Variants in MTR observed in about 807,000 individuals in gnomAD.
MTR encodes 5-methyltetrahydrofolate-homocysteine methyltransferase, also known as methionine synthase.
In MTR, 84 loss-of-function variants were observed where a neutral mutation model predicts 154.8. That is an observed-to-expected ratio of 0.54 (90% CI 0.45 to 0.65). The LOEUF (loss-of-function observed/expected upper bound fraction) is 0.65, where lower values mean the gene tolerates loss of function less well. MTR is among the 30% of genes least tolerant of loss of function. The pLI, the probability that MTR is intolerant of heterozygous loss-of-function variation, is 0.00. For missense variants in MTR, 1,275 were observed against 1,570.2 expected (o/e 0.81, Z 3.18); for synonymous variants, 554 against 553.9 (o/e 1.00, Z 0.00).
chr1:236,795,383 C>A lies in MTR; in HGVS notation c.-321C>A, dbSNP rs187186973. ...TCCTCTGCCGGTTTTCTCTTGGGTCCTTTTCCGTGCCGTCCCGCGACTCCG... is the reference window on the plus strand; with the variant it reads ...TCCTCTGCCGGTTTTCTCTTGGGTCATTTTCCGTGCCGTCCCGCGACTCCG... On this transcript the variant is annotated 5_prime_UTR_variant, in exon 1 of 33. Transcript: ENST00000366577. 1 of 1,403,430 alleles carries A rather than the reference C, an allele frequency of 7.1e-7. No homozygotes were observed. Among genetic ancestry groups the A allele is most frequent in the African/African-American group, 1.4e-5 (1 of 70,054 alleles). The allele number at this position is 1,403,430 out of a possible 1,614,324, so 86.9% of individuals were successfully genotyped here. A position where few individuals can be genotyped will look rare whatever the true frequency, so the allele number is the denominator to read the frequency against.
chr1:236,859,044 G>C (rs146165065), intron 18 of MTR, among the ~76,000 whole-genome samples: 26 of 152,256 alleles, frequency 1.7e-4, no homozygotes, highest in African/African-American at 5.3e-4. Context: ...CCTCTCTTAT[G>C]ACATGGCTGT....
intron 8 of MTR, among the ~76,000 whole-genome samples, chr1:236,822,860 A>T (rs991705592): frequency 6.6e-6 from 1 of 152,196 alleles, no homozygotes; most frequent in South Asian, 2.1e-4. Flanking sequence ...AGGGACTTCA[A>T]ATACAATATT....
At chr1:236,812,586 C>T in intron 5 of MTR, 152 bp from the exon 6 acceptor site, 1 of 720,252 alleles carries the variant, frequency 1.4e-6, no homozygotes, top group Non-Finnish European at 2.5e-6. Flanking sequence ...TGCCACCTTT[C>T]TTTATTTGGT....
intron 13 of MTR, among the ~76,000 whole-genome samples, chr1:236,833,166 C>G (rs570148878): frequency 4.6e-5 from 7 of 152,290 alleles, no homozygotes; most frequent in African/African-American, 1.7e-4. Context: ...TGCCTTTGTT[C>G]TTGTTTGCTT....
At chr1:236,839,174 T>C (rs1265746837) in intron 15 of MTR, among the ~76,000 whole-genome samples, 1 of 152,210 alleles carries the variant, frequency 6.6e-6, no homozygotes, top group African/African-American at 2.4e-5. Flanking sequence ...AAGTATTCAA[T>C]AAATGCTGTT....
At chr1:236,852,456 A>T in intron 16 of MTR, 65 bp from the exon 17 acceptor site, 1 of 1,152,244 alleles carries the variant, frequency 8.7e-7, no homozygotes, top group Non-Finnish European at 1.3e-6. Flanking sequence ...TATAAAGCTT[A>T]AGAGATGTGA....
chr1:236,863,846 G>A (rs1420543756), intron 22 of MTR, among the ~76,000 whole-genome samples: 2 of 152,158 alleles, frequency 1.3e-5, no homozygotes, highest in African/African-American at 4.8e-5. Context: ...TGGGACAGAG[G>A]TGCTAATAGC....
At position 236,891,150 on chromosome 1, in the gene MTR, G is replaced by A. The variant is rs755606958; in HGVS notation, c.3025G>A (p.Val1009Ile). 14 of 1,614,166 alleles carry A rather than the reference G, an allele frequency of 8.7e-6. No homozygotes were observed. The highest frequency in any genetic ancestry group is 1.2e-5 in the Non-Finnish European group (14 of 1,180,030). Residue 1009 changes from valine (V) to isoleucine (I), a missense_variant, in exon 29 of 33, where the codon GTC (valine) becomes ATC (isoleucine). Coordinates refer to ENST00000366577, the MANE Select transcript of MTR (RefSeq NM_000254.3). Reference sequence around the variant, plus strand: ...TCTAATAGGTGGAGAGGCCAGGAAGGTCTACGATGATGCCCACAATATGCT... The same window carrying A: ...TCTAATAGGTGGAGAGGCCAGGAAGATCTACGATGATGCCCACAATATGCT... ...DKTVGGEARK[V>I]YDDAHNMLNT...
Position 236,852,970 on chromosome 1 carries a change from T to C in MTR, c.1835T>C (p.Val612Ala), listed in dbSNP as rs769950851. 3 of 1,613,994 alleles carry C rather than the reference T, an allele frequency of 1.9e-6. No homozygotes were observed. Among genetic ancestry groups the C allele is most frequent in the East Asian group, 4.5e-5 (2 of 44,884 alleles). Residue 612 changes from valine to alanine, a missense_variant, in exon 18 of 33, where the codon GTG becomes GCG. Transcript: ENST00000366577. The part of the protein sequence containing the change: ...AIKSGMDMGI[V>A]NAGNLPVYDD... ...TAGTCTGGCATGGACATGGGGATAGTGAATGCTGGAAACCTCCCTGTGTAT... is the reference window on the plus strand; with the variant it reads ...TAGTCTGGCATGGACATGGGGATAGCGAATGCTGGAAACCTCCCTGTGTAT...
At chr1:236,813,979 GA>G in intron 6 of MTR, among the ~76,000 whole-genome samples, 1 of 152,070 alleles carries the variant, frequency 6.6e-6, no homozygotes, top group East Asian at 1.9e-4. Flanking sequence ...TTGAAGAGAA[GA>G]AAAAAATGGA....
chr1:236,797,958 C>CAA (rs754624577), intron 1 of MTR, among the ~76,000 whole-genome samples: 27 of 139,648 alleles, frequency 1.9e-4, no homozygotes, highest in South Asian at 1.1e-3. Flanking sequence ...ACTTAGTCTC[C>CAA]AAAAAAAAAC....
rs201871910 is a variant in MTR, at chr1:236,825,371, C to T, written c.899C>T (p.Thr300Met). ...AACACCTTTGGTGACTATGATGAAA[C>T]GCCTTCTATGATGGCCAAGCACCTA... ...LPNTFGDYDE[T>M]PSMMAKHLKD... Residue 300 changes from threonine (T) to methionine (M), a missense_variant, in exon 10 of 33, where the codon ACG becomes ATG. Transcript: ENST00000366577. The T allele has an allele frequency of 7.7e-5, 124 of 1,613,616 alleles. No individual in the cohort carries two copies. The highest frequency in any genetic ancestry group is 2.2e-4 in the East Asian group (10 of 44,884).
chr1:236,835,666 T>G lies in MTR; in HGVS notation c.1308T>G (p.Ala436=), dbSNP rs760723334. The change falls in exon 14 of 33, where the codon GCT becomes GCG. Residue 436 remains alanine (A), a synonymous_variant. Coordinates refer to ENST00000366577, the MANE Select transcript of MTR (RefSeq NM_000254.3). Reference sequence around the variant, plus strand: ...TGACCAGATTTTGCAACTTAATTGCTTCCGAGCCAGACATCGCAAAGGTTA... The same window carrying G: ...TGACCAGATTTTGCAACTTAATTGCGTCCGAGCCAGACATCGCAAAGGTTA... ...SAMTRFCNLI[A]SEPDIAKVPL... The G allele has an allele frequency of 1.9e-6, 3 of 1,612,510 alleles. No homozygotes were observed. The East Asian group carries it at 6.7e-5, about 36-fold the overall frequency.
At position 236,803,597 on chromosome 1, in the gene MTR, C is replaced by T. The variant is rs1023264922; in HGVS notation, c.204C>T (p.Asp68=). 3 of 1,614,146 alleles carry T rather than the reference C, an allele frequency of 1.9e-6. No individual in the cohort carries two copies. The South Asian group carries it at 3.3e-5, about 18-fold the overall frequency. Residue 68 remains aspartate (D), a synonymous_variant, in exon 2 of 33, where the codon GAC becomes GAT. Transcript: ENST00000366577. ...DHARPLKGNN[D]ILSITQPDVI... is the part of the protein sequence containing the mutation. ...CCAGGCCGCTGAAAGGCAACAATGA[C>T]ATTTTAAGTATAACTCAGCCTGATG...
rs762329418 is a variant in MTR, at chr1:236,795,549, C to T, written c.-155C>T. 5.8e-6 allele frequency: 9 copies of T among 1,538,554 alleles called. No individual in the cohort carries two copies. Among genetic ancestry groups the T allele is most frequent in the African/African-American group, 2.7e-5 (2 of 73,142 alleles). On this transcript the variant is annotated 5_prime_UTR_variant, in exon 1 of 33. Transcript: ENST00000366577. ...GCTGCGGGCTTTCGGGGTCCGCAGT[C>T]CCCCCGCGACGCGAGCCAACGGGAG...
In MTR at chr1:236,795,448, G is replaced by A. The variant is rs1217312365; in HGVS notation, c.-256G>A. 6.7e-7 allele frequency: 1 copy of A among 1,492,662 alleles called. No individual in the cohort carries two copies. Among genetic ancestry groups the A allele is most frequent in the African/African-American group, 1.4e-5 (1 of 72,080 alleles). The allele number at this position is 1,492,662 out of a possible 1,614,324, so 92.5% of individuals were successfully genotyped here. ...TGTCTGGCTGCTAGGCCGACACCAA[G>A]GACTGGCCGGGTACCCGGGAAGAAA... On this transcript the variant is annotated 5_prime_UTR_variant, in exon 1 of 33. Transcript: ENST00000366577.
At chr1:236,892,124 T>TA (rs1666362021) in intron 29 of MTR, among the ~76,000 whole-genome samples, 1 of 152,180 alleles carries the variant, frequency 6.6e-6, no homozygotes, top group African/African-American at 2.4e-5. Flanking sequence ...CATTAACAAA[T>TA]TTAATAATTT....
At chr1:236,830,939 A>G (rs1242196133) in intron 12 of MTR, among the ~76,000 whole-genome samples, 1 of 152,232 alleles carries the variant, frequency 6.6e-6, no homozygotes, top group Non-Finnish European at 1.5e-5. Flanking sequence ...ATGCTTTGGC[A>G]AAGGTCTCAA....
chr1:236,863,534 C>G lies in MTR; in HGVS notation c.2385C>G (p.Val795=). The stretch of plus-strand genomic sequence containing the variant: ...TAGGCAAGAACATAGTTGGAGTAGT[C>G]CTTGGCTGCAATAATTTCCGGTAAG... ...HDIGKNIVGV[V]LGCNNFRVID... is the part of the protein sequence containing the mutation. Residue 795 remains valine, a synonymous_variant, in exon 22 of 33, where the codon GTC becomes GTG. Coordinates refer to ENST00000366577, the MANE Select transcript of MTR (RefSeq NM_000254.3). 1 of 1,613,996 alleles carries G rather than the reference C, an allele frequency of 6.2e-7. No homozygotes were observed. The highest frequency in any genetic ancestry group is 1.1e-5 in the South Asian group (1 of 91,040).
Sources: gnomAD v4.1 joint callset for allele counts (sites outside exome capture counted in the v4.1 genomes callset) on GRCh38, gnomAD v4.1.1 for gene constraint, MANE v1.5 for transcripts, NCBI Gene and HGNC (gene_info 2026-07-23, HGNC 2026-07-21) for gene names.